PDE1A: variants seen among roughly 807,000 people sequenced by gnomAD.
PDE1A encodes the protein dual specificity calcium/calmodulin-dependent 3',5'-cyclic nucleotide phosphodiesterase 1A.
PDE1A carries 35 observed loss-of-function variants against 61.7 expected under a neutral mutation model. The observed-to-expected ratio is 0.57, with a 90% CI of 0.43 to 0.75. The LOEUF is 0.75. Ranked by LOEUF, PDE1A falls within the 30% of genes least tolerant of loss-of-function variation. The pLI is 0.00. For missense variants in PDE1A, 597 were observed against 630.6 expected (o/e 0.95, Z 0.57); for synonymous variants, 232 against 213.2 (o/e 1.09, Z -0.77).
intron 1 of PDE1A, among the ~76,000 whole-genome samples, chr2:182,295,837 A>G (rs1694847472): frequency 1.3e-5 from 2 of 152,226 alleles, no homozygotes; most frequent in Non-Finnish European, 2.9e-5. Context: ...GGATGTTGTT[A>G]ACTATTGATT....
intron 1 of PDE1A, among the ~76,000 whole-genome samples, chr2:182,343,311 A>G (rs895177215): frequency 6.6e-6 from 1 of 152,254 alleles, no homozygotes; most frequent in African/African-American, 2.4e-5. Flanking sequence ...ATTAGAGTTA[A>G]TAGTTATCAC....
intron 1 of PDE1A, among the ~76,000 whole-genome samples, chr2:182,290,533 T>C (rs1296101509): frequency 6.6e-6 from 1 of 151,948 alleles, no homozygotes; most frequent in Non-Finnish European, 1.5e-5. Flanking sequence ...CTCTGCCCTA[T>C]ATACAAAGAA....
the PDE1A span, among the ~76,000 whole-genome samples, chr2:182,700,920 C>T: frequency 1.3e-5 from 2 of 151,726 alleles, no homozygotes; most frequent in South Asian, 4.2e-4. Context: ...ATATCACACA[C>T]ACACGCAAAA....
chr2:182,666,232 A>G, the PDE1A span, among the ~76,000 whole-genome samples: 1 of 152,224 alleles, frequency 6.6e-6, no homozygotes, highest in African/African-American at 2.4e-5. Context: ...TAAATTTTAA[A>G]AAATCACCCC....
At chr2:182,471,511 A>G (rs1460593926) in intron 2 of PDE1A, among the ~76,000 whole-genome samples, 1 of 151,736 alleles carries the variant, frequency 6.6e-6, no homozygotes, top group East Asian at 1.9e-4. Flanking sequence ...AGGTAAGGTA[A>G]AAGTTTTCTA....
chr2:182,584,471 T>A, the PDE1A span, among the ~76,000 whole-genome samples: 1 of 152,336 alleles, frequency 6.6e-6, no homozygotes, highest in South Asian at 2.1e-4. Context: ...AACTTAAAGA[T>A]TCAGATTCCC....
the PDE1A span, among the ~76,000 whole-genome samples, chr2:182,654,041 T>C: frequency 1.3e-5 from 2 of 152,204 alleles, no homozygotes; most frequent in African/African-American, 4.8e-5. Flanking sequence ...TTTTATAGAC[T>C]ATAAGAGTGT....
At chr2:182,380,006 C>T (rs1274974507) in intron 1 of PDE1A, among the ~76,000 whole-genome samples, 4 of 151,840 alleles carry the variant, frequency 2.6e-5, no homozygotes, top group Non-Finnish European at 4.4e-5. Context: ...TCTTTAAATG[C>T]TTACTATGGT....
chr2:182,343,657 C>A (rs1698338123), intron 1 of PDE1A, among the ~76,000 whole-genome samples: 1 of 152,076 alleles, frequency 6.6e-6, no homozygotes, highest in African/African-American at 2.4e-5. Flanking sequence ...ATATACTTAT[C>A]AATTAATTGT....
At chr2:182,270,909 C>A (rs146315289) in intron 1 of PDE1A, among the ~76,000 whole-genome samples, 40 of 151,878 alleles carry the variant, frequency 2.6e-4, no homozygotes, top group Middle Eastern at 3.4e-3. Flanking sequence ...CAGGTCGATG[C>A]TCAGGAAATT....
chr2:182,185,832 C>G (rs1685152743), intron 13 of PDE1A, 60 bp downstream of exon 13: 1 of 1,608,962 alleles, frequency 6.2e-7, no homozygotes, highest in African/African-American at 1.3e-5. Flanking sequence ...GTAATCCAAA[C>G]TCTTAGAGGA....
chr2:182,604,074 A>G, the PDE1A span, among the ~76,000 whole-genome samples: 1 of 152,098 alleles, frequency 6.6e-6, no homozygotes, highest in Non-Finnish European at 1.5e-5. Context: ...GCCCAGAACT[A>G]TACAGGAAGT....
chr2:182,563,783 T>C, the PDE1A span, among the ~76,000 whole-genome samples: 1 of 152,246 alleles, frequency 6.6e-6, no homozygotes, highest in Non-Finnish European at 1.5e-5. Flanking sequence ...GCTCTTCTTG[T>C]TGAATTGATC....
the PDE1A span, among the ~76,000 whole-genome samples, chr2:182,576,392 T>C: frequency 6.6e-6 from 1 of 152,214 alleles, no homozygotes; most frequent in Admixed American, 6.5e-5. Flanking sequence ...AATATGTTAG[T>C]ATTCATTTCT....
the PDE1A span, among the ~76,000 whole-genome samples, chr2:182,694,016 T>C: frequency 3.6e-4 from 55 of 152,362 alleles, no homozygotes; most frequent in African/African-American, 1.2e-3. Context: ...ATTTCTTCTT[T>C]GGTTGTTTCT....
At chr2:182,433,546 T>A (rs373342682) in intron 2 of PDE1A, among the ~76,000 whole-genome samples, 1 of 152,060 alleles carries the variant, frequency 6.6e-6, no homozygotes. Context: ...GTGAACAAAG[T>A]CTGGCTTTCA....
chr2:182,683,860 C>T, the PDE1A span, among the ~76,000 whole-genome samples: 1 of 152,064 alleles, frequency 6.6e-6, no homozygotes, highest in Non-Finnish European at 1.5e-5. Context: ...GGGCTCACGT[C>T]TGTAATTCCA....
chr2:182,143,604 C>T (rs1690338022), downstream of PDE1A, among the ~76,000 whole-genome samples: 1 of 152,086 alleles, frequency 6.6e-6, no homozygotes, highest in South Asian at 2.1e-4. Context: ...CAAGCTCCGC[C>T]TCCCGGGTTC....
intron 13 of PDE1A, among the ~76,000 whole-genome samples, chr2:182,148,161 A>G (rs1275999464): frequency 6.6e-6 from 1 of 152,240 alleles, no homozygotes; most frequent in African/African-American, 2.4e-5. Context: ...TAAGTTGCCA[A>G]AATCTCAAAT....
Sources: gnomAD v4.1 joint callset for allele counts (sites outside exome capture counted in the v4.1 genomes callset) on GRCh38, gnomAD v4.1.1 for gene constraint, MANE v1.5 for transcripts, NCBI Gene and HGNC (gene_info 2026-07-23, HGNC 2026-07-21) for gene names.